CREB3: variants seen among roughly 807,000 people sequenced by gnomAD.
The protein encoded by CREB3 is cyclic AMP-responsive element-binding protein 3.
In CREB3, 29 loss-of-function variants were observed where a neutral mutation model predicts 34.5. The ratio of observed to expected loss-of-function variants is 0.84; its 90% CI spans 0.63 to 1.15. The LOEUF (loss-of-function observed/expected upper bound fraction) is 1.15, where lower values mean the gene tolerates loss of function less well. Among genes scored for constraint, CREB3 ranks in the 50% most tolerant of loss-of-function variants. CREB3 has a pLI of 0.00. For synonymous variants in CREB3, 187 were observed against 173.9 expected (o/e 1.08, Z -0.59); for missense variants, 447 against 443.4 (o/e 1.01, Z -0.07).
chr9:35,735,446 A>G, intron 6 of CREB3, 72 bp downstream of exon 6: 1 of 1,385,708 alleles, frequency 7.2e-7, no homozygotes, highest in South Asian at 1.2e-5. Context: ...CCCCTGCCCT[A>G]CACTTGATTT....
chr9:35,735,312 G>GA lies in CREB3; in HGVS notation c.552dup (p.Tyr185IlefsTer35). 6.2e-7 allele frequency: 1 copy of GA among 1,614,128 alleles called. No individual in the cohort carries two copies. The highest frequency in any genetic ancestry group is 8.5e-7 in the Non-Finnish European group (1 of 1,179,992). On this transcript the variant is annotated frameshift_variant, in exon 6 of 9. Transcript: ENST00000353704. LOFTEE classifies it high-confidence loss of function. Reference sequence around the variant, plus strand: ...TCTTTGTTATTTCCCCCAGGGTCTTGAAATACACAGCCCAGAATATGGAGC... The same window carrying GA: ...TCTTTGTTATTTCCCCCAGGGTCTTGAAAATACACAGCCCAGAATATGGAGC...
At position 35,736,650 on chromosome 9, in the gene CREB3, C is replaced by T; in HGVS notation, c.1040C>T (p.Ala347Val). The T allele has an allele frequency of 6.2e-7, 1 of 1,613,596 alleles. No homozygotes were observed. Among genetic ancestry groups the T allele is most frequent in the Non-Finnish European group, 8.5e-7 (1 of 1,180,020 alleles). The change falls in exon 9 of 9, where the codon GCA becomes GTA. Residue 347 changes from alanine (A) to valine (V), a missense_variant. By Grantham distance (64) the Ala-to-Val change is moderately conservative. Coordinates refer to ENST00000353704, the MANE Select transcript of CREB3 (RefSeq NM_006368.5). ...LCRGPILPLQ[A>V]NLTRKGGWLP... ...CGAGGTCCCATCCTCCCCCTGCAGG[C>T]AAATCTCACAAGGAAGGGAGGATGG... is the stretch of plus-strand genomic sequence containing the variant.
intron 6 of CREB3, among the ~76,000 whole-genome samples, chr9:35,735,604 A>G (rs1826186559): frequency 6.6e-6 from 1 of 152,204 alleles, no homozygotes; most frequent in African/African-American, 2.4e-5. Context: ...AGTAGTTAGG[A>G]TTCTGGGGTT....
chr9:35,736,342 G>C (rs746185356), intron 8 of CREB3, 31 bp downstream of exon 8: 1 of 1,613,690 alleles, frequency 6.2e-7, no homozygotes, highest in Admixed American at 1.7e-5. Context: ...TCTCAGACAG[G>C]GCAAGGGGAG....
rs1320053095 is a variant in CREB3, at chr9:35,736,302, GA to G, written c.773del (p.Glu258GlyfsTer161). 6.2e-7 allele frequency: 1 copy of G among 1,613,972 alleles called. No homozygotes were observed. The highest frequency in any genetic ancestry group is 8.5e-7 in the Non-Finnish European group (1 of 1,179,998). On this transcript the variant is annotated frameshift_variant, in exon 8 of 9. Transcript: ENST00000353704. LOFTEE classifies it low-confidence loss of function (END_TRUNC). The part of the protein sequence containing the change: ...SSDTRGSLPA[E>X]HGVLSRQLRA... ...TGACACAAGGGGGAGCCTGCCAGCT[GA>G]GCATGGAGGTAAGAGGCTTAAGGAT...
chr9:35,732,964 G>A lies in CREB3; in HGVS notation c.130-32G>A. On this transcript the variant is annotated intron_variant, in intron 1 of 8. Coordinates refer to ENST00000353704, the MANE Select transcript of CREB3 (RefSeq NM_006368.5). The surrounding 1 kb of genome is among the most constrained non-coding windows in gnomAD (Gnocchi z 5.1). The stretch of plus-strand genomic sequence containing the variant: ...CCATGAAGTCAGGTGATGGTGATAA[G>A]GTCAAGGCCTGTTCATTGGAACCCT... 1 of 1,613,672 alleles carries A rather than the reference G, an allele frequency of 6.2e-7. No individual in the cohort carries two copies. The highest frequency in any genetic ancestry group is 8.5e-7 in the Non-Finnish European group (1 of 1,179,706).
rs11538707 is a variant in CREB3 at position 35,733,405 on chromosome 9, A to G, written c.355A>G (p.Arg119Gly). ...TTTCTTGTTACCCTAGGAGATTGCTAGGCTAGTACTGACAGATGAGGAGAA... is the reference window on the plus strand; with the variant it reads ...TTTCTTGTTACCCTAGGAGATTGCTGGGCTAGTACTGACAGATGAGGAGAA... ...MEELAEQEIA[R>G]LVLTDEEKSL... is the part of the protein sequence containing the mutation. Residue 119 changes from arginine (R) to glycine (G), a missense_variant, in exon 4 of 9, where the codon AGG becomes GGG. Transcript: ENST00000353704. 8,786 of 1,613,738 alleles carry G rather than the reference A, an allele frequency of 5.4e-3. 42 individuals carry two copies. The highest frequency in any genetic ancestry group is 0.011 in the Middle Eastern group (69 of 6,062).
chr9:35,734,169 G>A lies in CREB3; in HGVS notation c.435+684G>A, dbSNP rs60411792. ...TTTTTTGGTATTTTTAGTAGAAATG[G>A]GGTTTTGCCTTGTTGCCAGGCTGGT... is the stretch of plus-strand genomic sequence containing the variant. On this transcript the variant is annotated intron_variant, in intron 4 of 8. Coordinates refer to ENST00000353704, the MANE Select transcript of CREB3 (RefSeq NM_006368.5). Among the ~76,000 whole-genome samples the A allele has an allele frequency of 9.8e-3, 1,484 of 152,118 alleles. 14 individuals carry two copies. The highest frequency in any genetic ancestry group is 0.034 in the African/African-American group (1,413 of 41,470).
rs146589495 is a variant in CREB3, at chr9:35,736,483, A to G, written c.873A>G (p.Thr291=). 1.2e-6 allele frequency: 2 copies of G among 1,614,180 alleles called. No individual in the cohort carries two copies. Among genetic ancestry groups the G allele is most frequent in the Non-Finnish European group, 1.7e-6 (2 of 1,180,038 alleles). Reference sequence around the variant, plus strand: ...AGTCAGAAGTGCCGAAAGACAGCACACACCAGTGGTTGGACGGCTCAGACT... The same window carrying G: ...AGTCAGAAGTGCCGAAAGACAGCACGCACCAGTGGTTGGACGGCTCAGACT... ...ALQSEVPKDS[T]HQWLDGSDCV... Residue 291 remains threonine, a synonymous_variant, in exon 9 of 9, where the codon ACA becomes ACG. Coordinates refer to ENST00000353704, the MANE Select transcript of CREB3 (RefSeq NM_006368.5).
intron 8 of CREB3, 36 bp downstream of exon 8, chr9:35,736,347 G>A: frequency 6.2e-7 from 1 of 1,613,510 alleles, no homozygotes; most frequent in Non-Finnish European, 8.5e-7. Context: ...GACAGGGCAA[G>A]GGGAGAGGTC....
intron 4 of CREB3, 130 bp from the exon 5 acceptor site, chr9:35,734,969 TTCAGAAAGAA>T (rs1826171195): frequency 5.8e-6 from 4 of 686,128 alleles, no homozygotes; most frequent in Admixed American, 3.2e-5. Flanking sequence ...CGTGGAGGCA[TTCAGAAAGAA>T]TCTGAATGCC....
At position 35,736,470 on chromosome 9, in the gene CREB3, C is replaced by A; in HGVS notation, c.860C>A (p.Pro287Gln). 3.1e-6 allele frequency: 5 copies of A among 1,614,138 alleles called. No individual in the cohort carries two copies. The highest frequency in any genetic ancestry group is 4.2e-6 in the Non-Finnish European group (5 of 1,180,034). The change falls in exon 9 of 9, where the codon CCG becomes CAG. Residue 287 changes from proline (P) to glutamine (Q), a missense_variant. Coordinates refer to ENST00000353704, the MANE Select transcript of CREB3 (RefSeq NM_006368.5). ...CTGCCTGCCCTGCAGTCAGAAGTGC[C>A]GAAAGACAGCACACACCAGTGGTTG... is the stretch of plus-strand genomic sequence containing the variant. ...LELPALQSEV[P>Q]KDSTHQWLDG...
chr9:35,736,929 TCAA>T lies in CREB3; in HGVS notation c.*205_*207del. The stretch of plus-strand genomic sequence containing the variant: ...CACACCATGAATGTACCTGGGGAAA[TCAA>T]CTGACCTCCCTGAACATTTCACGCA... On this transcript the variant is annotated 3_prime_UTR_variant, in exon 9 of 9. Coordinates refer to ENST00000353704, the MANE Select transcript of CREB3 (RefSeq NM_006368.5). 1 of 740,830 alleles carries T rather than the reference TCAA, an allele frequency of 1.3e-6. No homozygotes were observed. The highest frequency in any genetic ancestry group is 2.2e-6 in the Non-Finnish European group (1 of 464,268). The allele number at this position is 740,830 out of a possible 1,614,324, so 45.9% of individuals were successfully genotyped here.
At chr9:35,734,360 C>T (rs988529244) in intron 4 of CREB3, among the ~76,000 whole-genome samples, 4 of 152,112 alleles carry the variant, frequency 2.6e-5, no homozygotes, top group Admixed American at 2.0e-4. Context: ...AAGTCACTCT[C>T]TTGCTTTCCT....
At chr9:35,733,333 C>G (rs753849309) in intron 3 of CREB3, 51 bp downstream of exon 3, 1 of 1,607,594 alleles carries the variant, frequency 6.2e-7, no homozygotes, top group South Asian at 1.1e-5. Flanking sequence ...CAGGTGGGGG[C>G]AGGATTCCCC....
Position 35,732,843 on chromosome 9 carries a change from G to A in CREB3, c.71G>A (p.Gly24Glu). 5 of 1,614,244 alleles carry A rather than the reference G, an allele frequency of 3.1e-6. No individual in the cohort carries two copies. Among genetic ancestry groups the A allele is most frequent in the Non-Finnish European group, 3.4e-6 (4 of 1,180,044 alleles). ...CTGCTAGAGGAAAGTGGAGATTTGG[G>A]GACGGCACCCGATGAGGCCGTGAGG... ...AFLLEESGDLGTAPDEAVRAP... is the reference protein window; with the variant it reads ...AFLLEESGDLETAPDEAVRAP... The change falls in exon 1 of 9, where the codon GGG becomes GAG. Residue 24 changes from glycine (G) to glutamate (E), a missense_variant. Coordinates refer to ENST00000353704, the MANE Select transcript of CREB3 (RefSeq NM_006368.5). The surrounding 1 kb of genome is among the most constrained non-coding windows in gnomAD (Gnocchi z 5.1).
At chr9:35,735,057 C>G (rs569060065) in intron 4 of CREB3, 52 bp from the exon 5 acceptor site, 2 of 1,483,118 alleles carry the variant, frequency 1.3e-6, no homozygotes, top group East Asian at 2.3e-5. Flanking sequence ...TGCGTTTCAA[C>G]TCCTTTTTCT....
At position 35,733,453 on chromosome 9, in the gene CREB3, C is replaced by A; in HGVS notation, c.403C>A (p.Leu135Ile). The change falls in exon 4 of 9, where the codon CTT becomes ATT. Residue 135 changes from leucine to isoleucine, a missense_variant. Transcript: ENST00000353704. ...EEKSLLEKEG[L>I]ILPETLPLTK... Reference sequence around the variant, plus strand: ...GAAGAGTCTATTGGAGAAGGAGGGGCTTATTCTGCCTGAGACACTTCCTCT... The same window carrying A: ...GAAGAGTCTATTGGAGAAGGAGGGGATTATTCTGCCTGAGACACTTCCTCT... 1 of 1,613,392 alleles carries A rather than the reference C, an allele frequency of 6.2e-7. No individual in the cohort carries two copies. Among genetic ancestry groups the A allele is most frequent in the Non-Finnish European group, 8.5e-7 (1 of 1,179,320 alleles).
At chr9:35,735,477 A>T in intron 6 of CREB3, 103 bp downstream of exon 6, 2 of 1,013,912 alleles carry the variant, frequency 2.0e-6, no homozygotes, top group East Asian at 4.8e-5. Flanking sequence ...AGCTGCCTTC[A>T]CTAGGTCTCT....
Sources: allele counts gnomAD v4.1 joint callset (sites outside exome capture counted in the v4.1 genomes callset), GRCh38; gene constraint gnomAD v4.1.1; non-coding constraint Gnocchi (gnomAD v3.1); transcripts MANE v1.5; gene names NCBI Gene and HGNC (gene_info 2026-07-23, HGNC 2026-07-21).